Variants in ANXA2 observed in about 807,000 individuals in gnomAD.
ANXA2 encodes the protein annexin A2, also known as annexin II.
ANXA2 carries 28 observed loss-of-function variants against 47.3 expected under a neutral mutation model. That is an observed-to-expected ratio of 0.59 (90% CI 0.44 to 0.81). The LOEUF (loss-of-function observed/expected upper bound fraction) is 0.81, where lower values mean the gene tolerates loss of function less well. Among genes scored for constraint, ANXA2 ranks in the 40% least tolerant of loss-of-function variants. The probability of loss-of-function intolerance (pLI) is 0.00; values close to 1 mark genes in which losing one functional copy is unlikely to be tolerated. For missense variants in ANXA2, 384 were observed against 414.3 expected, an observed-to-expected ratio of 0.93 and a Z score of 0.64; for synonymous variants, 172 against 155.5, an observed-to-expected ratio of 1.11 and a Z score of -0.79.
Position 60,349,109 on chromosome 15 carries a change from C to T in ANXA2, c.926G>A (p.Arg309Lys). 3 of 1,614,116 alleles carry T rather than the reference C, an allele frequency of 1.9e-6. No individual in the cohort carries two copies. The highest frequency in any genetic ancestry group is 2.2e-5 in the South Asian group (2 of 91,084). Residue 309 changes from arginine to lysine, a missense_variant, in exon 12 of 13, where the codon AGA becomes AAA. Transcript: ENST00000451270. ...DMLKIRSEFK[R>K]KYGKSLYYYI... ...ATAGTACAGGGACTTGCCGTACTTT[C>T]TCTTGAATTCAGACCTAATTTTCAA...
chr15:60,351,180 C>T lies in ANXA2; in HGVS notation c.837+13G>A, dbSNP rs749359844. On this transcript the variant is annotated intron_variant, in intron 11 of 12. Coordinates refer to ENST00000451270, the MANE Select transcript of ANXA2 (RefSeq NM_004039.3). ...AGTGTGGAAACACAGCTCTCTCAGC[C>T]AGCTGCCCTTACCTTCATGGAGTCA... 4.3e-6 allele frequency: 7 copies of T among 1,613,856 alleles called. No homozygotes were observed. The highest frequency in any genetic ancestry group is 5.9e-6 in the Non-Finnish European group (7 of 1,179,742).
intron 1 of ANXA2, chr15:60,393,145 C>A: frequency 7.8e-7 from 1 of 1,277,522 alleles, no homozygotes; most frequent in South Asian, 1.3e-5. Context: ...CCAGTGACCT[C>A]GATCAAACTG....
chr15:60,360,798 G>C, intron 5 of ANXA2, 143 bp downstream of exon 5: 1 of 626,988 alleles, frequency 1.6e-6, no homozygotes. Flanking sequence ...CAAATCCTGA[G>C]ACATATAACT....
intron 3 of ANXA2, among the ~76,000 whole-genome samples, chr15:60,369,229 C>G (rs1322410671): frequency 6.6e-6 from 1 of 152,190 alleles, no homozygotes; most frequent in Non-Finnish European, 1.5e-5. Flanking sequence ...TCTAAAATAC[C>G]CACAAAGTGG....
intron 3 of ANXA2, among the ~76,000 whole-genome samples, chr15:60,372,973 C>T (rs985890605): frequency 1.3e-5 from 2 of 152,106 alleles, no homozygotes; most frequent in African/African-American, 4.8e-5. Context: ...CAATCTCATT[C>T]CAACATTCTT....
chr15:60,365,640 T>A (rs1447945575), intron 3 of ANXA2, among the ~76,000 whole-genome samples: 2 of 152,144 alleles, frequency 1.3e-5, no homozygotes, highest in Admixed American at 1.3e-4. Context: ...AATTCTCAAG[T>A]GTGTTAGATC....
At chr15:60,385,814 T>G (rs369560880) in intron 2 of ANXA2, 2 of 506,314 alleles carry the variant, frequency 4.0e-6, no homozygotes, top group East Asian at 6.6e-5. Context: ...CTGTCCAATT[T>G]TAATGTGAGG....
At chr15:60,361,143 A>G in intron 4 of ANXA2, 89 bp from the exon 5 acceptor site, 1 of 930,004 alleles carries the variant, frequency 1.1e-6, no homozygotes. Context: ...CTTTTTGTGA[A>G]GCAGGTTGTG....
chr15:60,368,287 G>A (rs2062663172), intron 3 of ANXA2, among the ~76,000 whole-genome samples: 1 of 126,176 alleles, frequency 7.9e-6, no homozygotes. Flanking sequence ...CCCTCTGCGA[G>A]AAACACCCAA....
chr15:60,354,279 C>T (rs898900359), intron 7 of ANXA2, 66 bp from the exon 8 acceptor site: 6 of 1,294,694 alleles, frequency 4.6e-6, no homozygotes, highest in Non-Finnish European at 6.6e-6. Flanking sequence ...AAAATGTTTT[C>T]TCCCCAGTCC....
intron 3 of ANXA2, among the ~76,000 whole-genome samples, chr15:60,372,123 TG>T (rs1459568645): frequency 6.6e-6 from 1 of 152,194 alleles, no homozygotes; most frequent in African/African-American, 2.4e-5. Flanking sequence ...CACTCCAGCC[TG>T]GGCAACAAGA....
chr15:60,369,222 A>G (rs1434013481), intron 3 of ANXA2, among the ~76,000 whole-genome samples: 1 of 152,232 alleles, frequency 6.6e-6, no homozygotes, highest in Non-Finnish European at 1.5e-5. Context: ...CAAAGACTCT[A>G]AAATACCCAC....
chr15:60,367,225 T>A (rs1225409140), intron 3 of ANXA2, among the ~76,000 whole-genome samples: 3 of 61,288 alleles, frequency 4.9e-5, no homozygotes, highest in Non-Finnish European at 6.4e-5. Flanking sequence ...GTGGGGGGGG[T>A]CAGCCCCCCG....
Position 60,352,701 on chromosome 15 carries a change from G to T in ANXA2, c.589-225C>A, listed in dbSNP as rs763826595. ...TACCATATGAGACTGCAGATAGTTCGTGAGGTCTGCTGTACAATCTCCTTC... is the reference window on the plus strand; with the variant it reads ...TACCATATGAGACTGCAGATAGTTCTTGAGGTCTGCTGTACAATCTCCTTC... On this transcript the variant is annotated intron_variant, in intron 8 of 12. Transcript: ENST00000451270. The surrounding 1 kb of genome is among the most constrained non-coding windows in gnomAD (Gnocchi z 4.2). Among the ~76,000 whole-genome samples, 31 of 152,174 alleles carry T rather than the reference G, an allele frequency of 2.0e-4. No homozygotes were observed. Among genetic ancestry groups the T allele is most frequent in the African/African-American group, 6.5e-4 (27 of 41,432 alleles).
At chr15:60,356,076 T>C in intron 6 of ANXA2, 78 bp from the exon 7 acceptor site, 1 of 1,118,470 alleles carries the variant, frequency 8.9e-7, no homozygotes, top group Non-Finnish European at 1.4e-6. Flanking sequence ...CATTTCCCAC[T>C]AAGACTCTGA....
In ANXA2 at chr15:60,356,708, T is replaced by C. The variant is rs1202659020; in HGVS notation, c.448+438A>G. Among the ~76,000 whole-genome samples, 36 of 152,302 alleles carry C rather than the reference T, an allele frequency of 2.4e-4. 1 individual carries two copies. The highest frequency in any genetic ancestry group is 2.3e-3 in the Admixed American group (35 of 15,302). The stretch of plus-strand genomic sequence containing the variant: ...TAAGTTGCATTGTTTATTCCCCTCA[T>C]AGCCTTCTATACTGCTAAGTGTGCA... On this transcript the variant is annotated intron_variant, in intron 6 of 12. Transcript: ENST00000451270.
intron 6 of ANXA2, among the ~76,000 whole-genome samples, chr15:60,356,592 A>G (rs1171920202): frequency 6.6e-6 from 1 of 152,198 alleles, no homozygotes; most frequent in Admixed American, 6.5e-5. Flanking sequence ...TATATAATAC[A>G]TGTACCAAAA....
rs189333401 is a variant in ANXA2 at position 60,352,441 on chromosome 15, A to G, written c.624T>C (p.Thr208=). The G allele has an allele frequency of 4.6e-5, 75 of 1,613,840 alleles. No homozygotes were observed. The East Asian group carries it at 1.6e-3, about 35-fold the overall frequency. The change falls in exon 9 of 13, where the codon ACT becomes ACC. Residue 208 remains threonine (T), a synonymous_variant. Coordinates refer to ENST00000451270, the MANE Select transcript of ANXA2 (RefSeq NM_004039.3). This position sits in a 1 kb window ranked among gnomAD's most constrained non-coding sequence, Gnocchi z 4.2. ...TGATGCTGATCCACTTGGGAACATC[A>G]GTTCCTTTCCTCTTCACTCCAGCGT... ...LYDAGVKRKG[T]DVPKWISIMT... is the part of the protein sequence containing the mutation.
intron 3 of ANXA2, among the ~76,000 whole-genome samples, chr15:60,380,612 C>G (rs1017174298): frequency 6.6e-6 from 1 of 151,518 alleles, no homozygotes; most frequent in African/African-American, 2.4e-5. Flanking sequence ...CGAGACCAGG[C>G]TGACCAACAT....
Sources: gnomAD v4.1 joint callset for allele counts (sites outside exome capture counted in the v4.1 genomes callset) on GRCh38, gnomAD v4.1.1 for gene constraint, Gnocchi (gnomAD v3.1) non-coding constraint, MANE v1.5 for transcripts, NCBI Gene and HGNC (gene_info 2026-07-23, HGNC 2026-07-21) for gene names.